Variants in TTC28 observed in about 807,000 individuals in gnomAD.
TTC28 encodes tetratricopeptide repeat domain 28, also known as tetratricopeptide repeat protein 28.
TTC28 carries 61 observed loss-of-function variants against 198.0 expected under a neutral mutation model. That is an observed-to-expected ratio of 0.31 (90% CI 0.25 to 0.38). TTC28 has a LOEUF of 0.38. Ranked by LOEUF, TTC28 falls within the 10% of genes least tolerant of loss-of-function variation. TTC28 has a pLI of 1.00. For missense variants in TTC28, 2,678 were observed against 3,164.0 expected (o/e 0.85, Z 3.69); for synonymous variants, 1,171 against 1,297.8 (o/e 0.90, Z 2.10).
At chr22:28,213,702 G>A (rs1201660592) in intron 5 of TTC28, among the ~76,000 whole-genome samples, 1 of 149,624 alleles carries the variant, frequency 6.7e-6, no homozygotes, top group Non-Finnish European at 1.5e-5. Context: ...TGGCCATACT[G>A]CTCAAGGTAA....
rs35793503 is a variant in TTC28, at chr22:28,352,312, C to CATATATATATATATAT, written c.382-45685_382-45670dup. ...AGAACCTATTAGACAGAGATATATA[C>CATATATATATATATAT]ATATATATATATATATATATATATC... On this transcript the variant is annotated intron_variant, in intron 2 of 22. Transcript: ENST00000397906. Among the ~76,000 whole-genome samples, 502 of 142,702 alleles carry CATATATATATATATAT rather than the reference C, an allele frequency of 3.5e-3. 6 individuals are homozygous for CATATATATATATATAT. Among genetic ancestry groups the CATATATATATATATAT allele is most frequent in the African/African-American group, 0.013 (484 of 37,398 alleles). The allele number at this position is 142,702 out of a possible 152,430, so 93.6% of individuals were successfully genotyped here.
At chr22:28,333,988 C>G (rs2045660862) in intron 2 of TTC28, among the ~76,000 whole-genome samples, 2 of 149,824 alleles carry the variant, frequency 1.3e-5, no homozygotes, top group Admixed American at 6.7e-5. Flanking sequence ...TCTCCTAATG[C>G]TATCCCTCCA....
chr22:28,414,141 C>A (rs2047131417), intron 2 of TTC28, among the ~76,000 whole-genome samples: 1 of 152,174 alleles, frequency 6.6e-6, no homozygotes, highest in Admixed American at 6.5e-5. Flanking sequence ...GTCTTCATTT[C>A]TCTTCCAAGT....
At chr22:28,470,865 AGACTCGAAATGTGGAGAT>A (rs1164122765) in intron 2 of TTC28, among the ~76,000 whole-genome samples, 5 of 152,212 alleles carry the variant, frequency 3.3e-5, no homozygotes, top group Non-Finnish European at 4.4e-5. Context: ...AGAGAAGGTT[AGACTCGAAATGTGGAGAT>A]GACTCGAAAT....
chr22:28,504,461 C>T (rs919306054), intron 2 of TTC28, among the ~76,000 whole-genome samples: 1 of 152,004 alleles, frequency 6.6e-6, no homozygotes, highest in African/African-American at 2.4e-5. Flanking sequence ...TGTACACACA[C>T]ACCTATATAT....
chr22:28,131,408 A>G (rs1364879016), intron 6 of TTC28, among the ~76,000 whole-genome samples: 1 of 152,212 alleles, frequency 6.6e-6, no homozygotes, highest in African/African-American at 2.4e-5. Context: ...GAAAAACAAA[A>G]TACAATATCC....
intron 2 of TTC28, among the ~76,000 whole-genome samples, chr22:28,311,398 T>C (rs2045253755): frequency 6.6e-6 from 1 of 152,178 alleles, no homozygotes; most frequent in African/African-American, 2.4e-5. Context: ...ACTAAAAAAC[T>C]TTAATATCAC....
chr22:28,251,959 C>CTAA (rs1268653963), intron 5 of TTC28, among the ~76,000 whole-genome samples: 1 of 152,130 alleles, frequency 6.6e-6, no homozygotes, highest in African/African-American at 2.4e-5. Context: ...CTCCATTCAG[C>CTAA]TAATAATTTT....
chr22:28,571,858 A>G (rs1299935182), intron 2 of TTC28, among the ~76,000 whole-genome samples: 2 of 151,584 alleles, frequency 1.3e-5, no homozygotes, highest in Admixed American at 6.6e-5. Context: ...TGAGGCAGGA[A>G]AATAGCTTGA....
chr22:28,434,725 C>T (rs1265839011), intron 2 of TTC28, among the ~76,000 whole-genome samples: 3 of 152,146 alleles, frequency 2.0e-5, no homozygotes, highest in Non-Finnish European at 4.4e-5. Flanking sequence ...GGATTTCATC[C>T]TTCCCTACTC....
At chr22:28,581,746 T>C (rs966992714) in intron 2 of TTC28, among the ~76,000 whole-genome samples, 1 of 152,230 alleles carries the variant, frequency 6.6e-6, no homozygotes, top group African/African-American at 2.4e-5. Flanking sequence ...ACCCCATCTC[T>C]ACAAACGAAC....
intron 12 of TTC28, among the ~76,000 whole-genome samples, chr22:28,084,368 T>C (rs1175404968): frequency 6.6e-6 from 1 of 152,182 alleles, no homozygotes; most frequent in African/African-American, 2.4e-5. Context: ...TCCGCTGTTC[T>C]GCAGCCACCG....
chr22:28,401,874 A>T (rs545383618), intron 2 of TTC28, among the ~76,000 whole-genome samples: 30 of 152,342 alleles, frequency 2.0e-4, no homozygotes, highest in Non-Finnish European at 3.5e-4. Context: ...CCAGACCTAA[A>T]TATTAACTTG....
At chr22:28,432,423 T>C (rs1214280427) in intron 2 of TTC28, among the ~76,000 whole-genome samples, 1 of 152,210 alleles carries the variant, frequency 6.6e-6, no homozygotes, top group Non-Finnish European at 1.5e-5. Context: ...TTAATTCATA[T>C]GAGACAATGC....
In TTC28 at chr22:27,993,271, T is replaced by TAC; in HGVS notation, c.5476+14_5476+15dup. On this transcript the variant is annotated intron_variant, in intron 18 of 22. Coordinates refer to ENST00000397906, the MANE Select transcript of TTC28 (RefSeq NM_001145418.2). The stretch of plus-strand genomic sequence containing the variant: ...TCAGCCAGGCCTGTTGCCCCAGCCC[T>TAC]ACACCCACAGCTCACCCAGCAGGGA... 1 of 1,510,586 alleles carries TAC rather than the reference T, an allele frequency of 6.6e-7. No homozygotes were observed. Among genetic ancestry groups the TAC allele is most frequent in the Non-Finnish European group, 8.9e-7 (1 of 1,128,870 alleles). The allele number at this position is 1,510,586 out of a possible 1,614,324, so 93.6% of individuals were successfully genotyped here.
chr22:28,103,646 C>A (rs1384587922), intron 8 of TTC28, among the ~76,000 whole-genome samples: 1 of 152,122 alleles, frequency 6.6e-6, no homozygotes, highest in East Asian at 1.9e-4. Context: ...GTGGACACAT[C>A]CACAAGACAG....
intron 6 of TTC28, among the ~76,000 whole-genome samples, chr22:28,133,941 C>G (rs1411105811): frequency 1.3e-5 from 2 of 152,234 alleles, no homozygotes; most frequent in Non-Finnish European, 2.9e-5. Context: ...CCTGAATAGC[C>G]TAACTGGGAG....
At chr22:28,009,743 C>G (rs1283770114) in intron 14 of TTC28, among the ~76,000 whole-genome samples, 2 of 152,242 alleles carry the variant, frequency 1.3e-5, no homozygotes, top group Non-Finnish European at 2.9e-5. Context: ...AGGCCCCTGG[C>G]CCAGATTTTC....
intron 12 of TTC28, among the ~76,000 whole-genome samples, chr22:28,082,804 A>G (rs1601598180): frequency 6.6e-6 from 1 of 152,198 alleles, no homozygotes; most frequent in Admixed American, 6.5e-5. Context: ...TTTAAAAAGA[A>G]TTTGAAAAGG....
Sources: allele counts gnomAD v4.1 joint callset (sites outside exome capture counted in the v4.1 genomes callset), GRCh38; gene constraint gnomAD v4.1.1; transcripts MANE v1.5; gene names NCBI Gene and HGNC (gene_info 2026-07-23, HGNC 2026-07-21).